The following AFF3 variants were observed in gnomAD, a reference collection of about 807,000 sequenced individuals.
AFF3 encodes ALF transcription elongation factor 3.
A neutral mutation model predicts 129.7 loss-of-function variants in AFF3; 32 were observed. That is an observed-to-expected ratio of 0.25 (90% CI 0.19 to 0.33). The LOEUF (loss-of-function observed/expected upper bound fraction) is 0.33. AFF3 is among the 10% of genes least tolerant of loss of function. The pLI is 1.00. For missense variants in AFF3, 1,373 were observed against 1,592.0 expected (o/e 0.86, Z 2.34); for synonymous variants, 644 against 635.4 (o/e 1.01, Z -0.20).
intron 7 of AFF3, among the ~76,000 whole-genome samples, chr2:99,959,144 C>A (rs761303580): frequency 3.3e-5 from 5 of 151,874 alleles, no homozygotes; most frequent in Non-Finnish European, 7.4e-5. Flanking sequence ...GCTGAGCAGG[C>A]AAAGACCAAA....
chr2:99,849,597 T>C (rs1287935725), intron 7 of AFF3, among the ~76,000 whole-genome samples: 1 of 152,184 alleles, frequency 6.6e-6, no homozygotes, highest in Non-Finnish European at 1.5e-5. Context: ...ATAAAGCATT[T>C]ACAAGGTGCC....
Position 99,888,396 on chromosome 2 carries a change from C to T in AFF3, c.874-50872G>A, listed in dbSNP as rs759798354. ...ACTTTGTCATTTAAAAATAGCATTT[C>T]GTTTTCTGCACCACTAGAAACTACA... On this transcript the variant is annotated intron_variant, in intron 7 of 24. Coordinates refer to ENST00000672756, the MANE Select transcript of AFF3 (RefSeq NM_001386135.1). 1.2e-4 allele frequency among the ~76,000 whole-genome samples: 19 copies of T among 152,330 alleles called. No homozygotes were observed. In the East Asian group the frequency reaches 2.1e-3, roughly 17 times the overall value.
At chr2:99,882,977 A>G (rs1283279469) in intron 7 of AFF3, among the ~76,000 whole-genome samples, 1 of 152,228 alleles carries the variant, frequency 6.6e-6, no homozygotes, top group Non-Finnish European at 1.5e-5. Context: ...AAAGGAAAAC[A>G]AGGTATTATT....
At chr2:99,848,627 T>A (rs1689910250) in intron 7 of AFF3, among the ~76,000 whole-genome samples, 2 of 152,232 alleles carry the variant, frequency 1.3e-5, no homozygotes, top group South Asian at 4.1e-4. Context: ...ACATCCAAGA[T>A]GATGTTGGAA....
At chr2:99,906,712 C>T (rs896889364) in intron 7 of AFF3, among the ~76,000 whole-genome samples, 7 of 152,034 alleles carry the variant, frequency 4.6e-5, no homozygotes, top group African/African-American at 1.7e-4. Context: ...GCTTCAGCTC[C>T]GGACCACATG....
intron 13 of AFF3, among the ~76,000 whole-genome samples, chr2:99,646,870 G>A (rs953226974): frequency 6.6e-6 from 1 of 152,232 alleles, no homozygotes; most frequent in African/African-American, 2.4e-5. Flanking sequence ...TTATTTTGAA[G>A]AAGGGTTTTA....
rs74387149 is a variant in AFF3 at position 99,738,814 on chromosome 2, C to T, written c.1039+5290G>A. Among the ~76,000 whole-genome samples the T allele has an allele frequency of 2.9e-3, 436 of 152,122 alleles. 15 individuals are homozygous for T. The East Asian group carries it at 0.062, about 22-fold the overall frequency. The stretch of plus-strand genomic sequence containing the variant: ...CCTCCAGGCAAGCTGTAAGCCCAAG[C>T]CCTTCCTCCACCCACTCCTCTAAGA... On this transcript the variant is annotated intron_variant, in intron 10 of 24. Transcript: ENST00000672756.
At position 99,817,243 on chromosome 2, in the gene AFF3, C is replaced by T. The variant is rs531865168; in HGVS notation, c.921+20234G>A. Among the ~76,000 whole-genome samples the T allele has an allele frequency of 2.6e-4, 40 of 152,318 alleles. 2 individuals are homozygous for T. The South Asian group carries it at 4.8e-3, about 18-fold the overall frequency. ...GACGCCTACAACAAAGTACAAACCT[C>T]CCCGGGTCTGCCACCCTCTCCTGCG... On this transcript the variant is annotated intron_variant, in intron 8 of 24. Coordinates refer to ENST00000672756, the MANE Select transcript of AFF3 (RefSeq NM_001386135.1).
intron 2 of AFF3, chr2:100,105,807 C>G: frequency 7.4e-7 from 1 of 1,350,948 alleles, no homozygotes. Flanking sequence ...GGATTCTCAC[C>G]AGGGATTCCC....
chr2:99,557,110 G>A (rs935063559), intron 22 of AFF3, among the ~76,000 whole-genome samples: 1 of 152,054 alleles, frequency 6.6e-6, no homozygotes, highest in African/African-American at 2.4e-5. Flanking sequence ...ATGTTAATTA[G>A]CTTGGTTTAA....
chr2:99,851,487 G>C (rs1461972648), intron 7 of AFF3, among the ~76,000 whole-genome samples: 1 of 152,226 alleles, frequency 6.6e-6, no homozygotes, highest in Non-Finnish European at 1.5e-5. Context: ...GCCTTCTATA[G>C]CACTTTGTCT....
At chr2:99,762,799 T>G (rs1294893587) in intron 8 of AFF3, among the ~76,000 whole-genome samples, 1 of 152,228 alleles carries the variant, frequency 6.6e-6, no homozygotes. Context: ...GGATGAATTC[T>G]GCGACTTGGG....
chr2:100,072,391 T>C (rs1399085910), intron 4 of AFF3, among the ~76,000 whole-genome samples: 1 of 152,180 alleles, frequency 6.6e-6, no homozygotes, highest in Admixed American at 6.5e-5. Flanking sequence ...CACCTCCTCG[T>C]CCATGGAACA....
intron 11 of AFF3, among the ~76,000 whole-genome samples, chr2:99,716,709 C>T (rs951296264): frequency 6.6e-6 from 1 of 151,670 alleles, no homozygotes; most frequent in African/African-American, 2.4e-5. Flanking sequence ...GGTGAAACCC[C>T]ATCTCTACTA....
intron 4 of AFF3, among the ~76,000 whole-genome samples, chr2:100,054,666 C>T (rs955308262): frequency 1.5e-4 from 23 of 152,196 alleles, no homozygotes; most frequent in African/African-American, 5.3e-4. Flanking sequence ...AAGCCAATTC[C>T]TTATCCTAAG....
chr2:99,957,170 C>CGTGTGTGTGTGCGT (rs939013079), intron 7 of AFF3, among the ~76,000 whole-genome samples: 1 of 147,764 alleles, frequency 6.8e-6, no homozygotes, highest in African/African-American at 2.6e-5. Flanking sequence ...TGTGCATGTA[C>CGTGTGTGTGTGCGT]GTGTGTGTGT....
intron 13 of AFF3, 133 bp downstream of exon 13, chr2:99,649,493 G>T: frequency 1.0e-6 from 1 of 989,834 alleles, no homozygotes; most frequent in Non-Finnish European, 1.6e-6. Context: ...ATAAATCCAA[G>T]CATGCAAAAT....
chr2:99,806,340 G>A (rs759589683), intron 8 of AFF3, among the ~76,000 whole-genome samples: 1 of 152,172 alleles, frequency 6.6e-6, no homozygotes, highest in Non-Finnish European at 1.5e-5. Flanking sequence ...GCAACACAGA[G>A]CGGAAAATAG....
intron 11 of AFF3, among the ~76,000 whole-genome samples, chr2:99,722,487 T>C (rs1678996962): frequency 6.6e-6 from 1 of 152,226 alleles, no homozygotes; most frequent in African/African-American, 2.4e-5. Flanking sequence ...TTGCCCTTAA[T>C]GTTACGGTGA....
Sources: gnomAD v4.1 joint callset for allele counts (sites outside exome capture counted in the v4.1 genomes callset) on GRCh38, gnomAD v4.1.1 for gene constraint, MANE v1.5 for transcripts, NCBI Gene and HGNC (gene_info 2026-07-23, HGNC 2026-07-21) for gene names.